The following TMEM209 variants were observed in gnomAD, a reference collection of about 807,000 sequenced individuals.
TMEM209 encodes the protein transmembrane protein 209, also known as testicular tissue protein Li 202.
In TMEM209, 65 loss-of-function variants were observed where a neutral mutation model predicts 76.2. The ratio of observed to expected loss-of-function variants is 0.85; its 90% CI spans 0.70 to 1.05. The LOEUF is 1.05. Ranked by LOEUF, TMEM209 falls within the 50% of genes least tolerant of loss-of-function variation. The pLI, the probability that TMEM209 is intolerant of heterozygous loss-of-function variation, is 0.00. For synonymous variants in TMEM209, 239 were observed against 237.6 expected, an observed-to-expected ratio of 1.01 and a Z score of -0.06; for missense variants, 623 against 685.5, an observed-to-expected ratio of 0.91 and a Z score of 1.02.
chr7:130,179,927 C>G (rs1000331890), intron 9 of TMEM209, among the ~76,000 whole-genome samples: 5 of 152,178 alleles, frequency 3.3e-5, no homozygotes, highest in Non-Finnish European at 7.3e-5. Context: ...AATAGCACCA[C>G]TGCATTCCCT....
At chr7:130,166,536 T>C (rs1332485306) in intron 14 of TMEM209, 31 bp from the exon 15 acceptor site, 3 of 1,445,126 alleles carry the variant, frequency 2.1e-6, no homozygotes, top group East Asian at 2.6e-5. Flanking sequence ...TTTATTAGAA[T>C]TGGTTGCCAA....
Position 130,204,109 on chromosome 7 carries a change from A to G in TMEM209, c.5T>C (p.Met2Thr). 1.9e-6 allele frequency: 3 copies of G among 1,600,652 alleles called. No individual in the cohort carries two copies. The highest frequency in any genetic ancestry group is 1.1e-5 in the South Asian group (1 of 88,268). Residue 2 changes from methionine to threonine, a missense_variant and splice_region_variant, in exon 2 of 15, where the codon ATG becomes ACG. Coordinates refer to ENST00000397622, the MANE Select transcript of TMEM209 (RefSeq NM_032842.4). ...AGCACTAGGGTGTGCCTCCCCCTGC[A>G]TCTATGAAAAAACAAAAAGCACAGG... M[M>T]QGEAHPSASL...
chr7:130,193,104 T>C (rs1410301446), intron 5 of TMEM209, among the ~76,000 whole-genome samples: 1 of 152,040 alleles, frequency 6.6e-6, no homozygotes, highest in Admixed American at 6.5e-5. Context: ...ACCCAAGGAG[T>C]TGAAAACTTA....
intron 10 of TMEM209, among the ~76,000 whole-genome samples, chr7:130,177,666 G>T (rs1377887956): frequency 2.0e-5 from 3 of 152,290 alleles, no homozygotes; most frequent in East Asian, 1.9e-4. Context: ...ATAGGGCAGG[G>T]TCTGGCCAGG....
In TMEM209 at chr7:130,164,757, T is replaced by C. The variant is rs1287597882; in HGVS notation, c.*1694A>G. 3 of 152,190 alleles carry C rather than the reference T, an allele frequency of 2.0e-5. No homozygotes were observed. The highest frequency in any genetic ancestry group is 4.8e-5 in the African/African-American group (2 of 41,466). The allele number at this position is 152,190 out of a possible 1,614,324, so 9.4% of individuals were successfully genotyped here. ...TCCATGGTGCTTTTAATGAAGTATA[T>C]GCAACTAGTTTAACAGCATGACAAT... On this transcript the variant is annotated 3_prime_UTR_variant, in exon 15 of 15. Coordinates refer to ENST00000397622, the MANE Select transcript of TMEM209 (RefSeq NM_032842.4).
intron 5 of TMEM209, among the ~76,000 whole-genome samples, chr7:130,195,515 AC>A (rs1359314025): frequency 1.3e-5 from 2 of 152,072 alleles, no homozygotes; most frequent in Non-Finnish European, 2.9e-5. Context: ...TTTTTAGGAA[AC>A]AGCTTTTCGA....
intron 5 of TMEM209, among the ~76,000 whole-genome samples, chr7:130,200,298 G>A (rs1034641980): frequency 1.3e-5 from 2 of 152,066 alleles, no homozygotes; most frequent in Admixed American, 6.5e-5. Context: ...TAAAAGTTAC[G>A]ATAGACTATT....
At chr7:130,192,466 T>C (rs2117014052) in intron 6 of TMEM209, among the ~76,000 whole-genome samples, 156 bp downstream of exon 6, 1 of 152,356 alleles carries the variant, frequency 6.6e-6, no homozygotes, top group East Asian at 1.9e-4. Flanking sequence ...TTAGTGAACT[T>C]AATTCTAACT....
intron 7 of TMEM209, 68 bp downstream of exon 7, chr7:130,185,124 C>A: frequency 6.7e-7 from 1 of 1,491,876 alleles, no homozygotes. Flanking sequence ...AAAAAATGTT[C>A]CAGAAGTAGA....
intron 10 of TMEM209, among the ~76,000 whole-genome samples, chr7:130,177,756 A>T (rs977595212): frequency 2.0e-5 from 3 of 152,156 alleles, no homozygotes; most frequent in African/African-American, 7.2e-5. Flanking sequence ...TATGTTTAAA[A>T]TTCTCCTTAT....
At position 130,192,758 on chromosome 7, in the gene TMEM209, A is replaced by C; in HGVS notation, c.639T>G (p.Ser213Arg). The C allele has an allele frequency of 6.2e-7, 1 of 1,613,954 alleles. No homozygotes were observed. Among genetic ancestry groups the C allele is most frequent in the Non-Finnish European group, 8.5e-7 (1 of 1,179,848 alleles). The change falls in exon 6 of 15, where the codon AGT becomes AGG. Residue 213 changes from serine to arginine, a missense_variant. Physicochemically the swap from Ser to Arg is moderately radical, Grantham distance 110. Transcript: ENST00000397622. ...YPTTVGPVESSGLRSRYRSSP... is the reference protein window; with the variant it reads ...YPTTVGPVESRGLRSRYRSSP... ...AAGAACGGTAGCGAGATCTCAATCC[A>C]CTGCTCTCCACTGGTCCAACAGTGG...
At chr7:130,203,932 TG>T in intron 2 of TMEM209, 41 bp downstream of exon 2, 1 of 1,606,470 alleles carries the variant, frequency 6.2e-7, no homozygotes, top group Non-Finnish European at 8.5e-7. Flanking sequence ...AACCAGCCAC[TG>T]GCTTCTTAAA....
chr7:130,183,040 T>TA (rs767295626), intron 8 of TMEM209, among the ~76,000 whole-genome samples: 3 of 152,224 alleles, frequency 2.0e-5, no homozygotes, highest in Non-Finnish European at 4.4e-5. Flanking sequence ...CTCTAAATTT[T>TA]ATAGCACATG....
chr7:130,185,698 T>C (rs1195770313), intron 6 of TMEM209, among the ~76,000 whole-genome samples: 1 of 152,236 alleles, frequency 6.6e-6, no homozygotes, highest in Non-Finnish European at 1.5e-5. Context: ...CAAATTTCTT[T>C]AGGAAATAAA....
At chr7:130,183,461 C>G (rs1797492763) in intron 8 of TMEM209, among the ~76,000 whole-genome samples, 1 of 152,082 alleles carries the variant, frequency 6.6e-6, no homozygotes, top group African/African-American at 2.4e-5. Flanking sequence ...TTTTGATGCC[C>G]TATTTAAATA....
At chr7:130,182,279 T>C (rs1205373679) in intron 8 of TMEM209, among the ~76,000 whole-genome samples, 2 of 152,278 alleles carry the variant, frequency 1.3e-5, no homozygotes, top group Non-Finnish European at 1.5e-5. Flanking sequence ...TTTTATTTTT[T>C]TTCCTGAAAA....
chr7:130,178,240 T>G (rs1359566223), intron 10 of TMEM209, among the ~76,000 whole-genome samples, 162 bp downstream of exon 10: 9 of 152,190 alleles, frequency 5.9e-5, no homozygotes, highest in Admixed American at 5.2e-4. Flanking sequence ...TTAGCTCATA[T>G]TTAAGTTTCC....
At chr7:130,202,127 C>A (rs1411883663) in intron 4 of TMEM209, 36 bp from the exon 5 acceptor site, 9 of 1,558,038 alleles carry the variant, frequency 5.8e-6, no homozygotes, top group Non-Finnish European at 7.8e-6. Flanking sequence ...TGTGTATGTA[C>A]CTTCAAATAA....
At position 130,171,352 on chromosome 7, in the gene TMEM209, C is replaced by T. The variant is rs563470890; in HGVS notation, c.1558-879G>A. ...CAAACTATTATATGTAATTTTTGGT[C>T]TGTAAAAACAGCTCCTAATTTAGAT... On this transcript the variant is annotated intron_variant, in intron 13 of 14. Transcript: ENST00000397622. Among the ~76,000 whole-genome samples, 58 of 152,114 alleles carry T rather than the reference C, an allele frequency of 3.8e-4. 1 individual carries two copies. The highest frequency in any genetic ancestry group is 2.8e-4 in the Non-Finnish European group (19 of 68,022).
Sources: gnomAD v4.1 joint callset for allele counts (sites outside exome capture counted in the v4.1 genomes callset) on GRCh38, gnomAD v4.1.1 for gene constraint, MANE v1.5 for transcripts, NCBI Gene and HGNC (gene_info 2026-07-23, HGNC 2026-07-21) for gene names.